The following HEATR9 variants were observed in gnomAD, a reference collection of about 807,000 sequenced individuals.
The protein encoded by HEATR9 is HEAT repeat containing 9, also known as protein HEATR9.
A neutral mutation model predicts 68.2 loss-of-function variants in HEATR9; 54 were observed. The observed-to-expected ratio is 0.79, with a 90% CI of 0.64 to 0.99. The LOEUF (loss-of-function observed/expected upper bound fraction) is 0.99. Ranked by LOEUF, HEATR9 falls within the 50% of genes least tolerant of loss-of-function variation. The pLI is 0.00. For missense variants in HEATR9, 662 were observed against 679.7 expected, an observed-to-expected ratio of 0.97 and a Z score of 0.29; for synonymous variants, 241 against 253.5, an observed-to-expected ratio of 0.95 and a Z score of 0.47.
At chr17:35,860,087 ACAT>A (rs2087924030) in intron 8 of HEATR9, among the ~76,000 whole-genome samples, 1 of 152,092 alleles carries the variant, frequency 6.6e-6, no homozygotes, top group African/African-American at 2.4e-5. Flanking sequence ...CTATTTAAGG[ACAT>A]CATTTAAGAA....
intron 1 of HEATR9, among the ~76,000 whole-genome samples, chr17:35,868,191 G>A (rs890851057): frequency 3.9e-5 from 6 of 152,220 alleles, no homozygotes; most frequent in African/African-American, 1.4e-4. Flanking sequence ...TTAACAGAGG[G>A]AAACAAATGT....
chr17:35,868,828 G>A lies in HEATR9; in HGVS notation c.-86C>T. ...GTGGGGGCACAGCTGGAGGAGACCT[G>A]TCCTCTGTGGTACGAGAGGTACAGG... is the stretch of plus-strand genomic sequence containing the variant. On this transcript the variant is annotated 5_prime_UTR_variant, in exon 1 of 15. Coordinates refer to ENST00000604834, the MANE Select transcript of HEATR9 (RefSeq NM_152781.4). 1 of 1,182,972 alleles carries A rather than the reference G, an allele frequency of 8.5e-7. No homozygotes were observed. Among genetic ancestry groups the A allele is most frequent in the South Asian group, 1.3e-5 (1 of 78,912 alleles). The allele number at this position is 1,182,972 out of a possible 1,614,324, so 73.3% of individuals were successfully genotyped here.
At chr17:35,856,334 T>C (rs2087770423) in intron 12 of HEATR9, 110 bp from the exon 13 acceptor site, 9 of 1,611,528 alleles carry the variant, frequency 5.6e-6, no homozygotes, top group Non-Finnish European at 7.6e-6. Context: ...TGATGCTAAT[T>C]TCATTCATTT....
At position 35,860,334 on chromosome 17, in the gene HEATR9, G is replaced by A. The variant is rs1268492912; in HGVS notation, c.757-1264C>T. On this transcript the variant is annotated intron_variant, in intron 8 of 14. Transcript: ENST00000604834. Reference sequence around the variant, plus strand: ...ATGAACCTGGGAGGTGGAGCTTGCAGTGAGCCGAGACTGCACCACTGCACT... The same window carrying A: ...ATGAACCTGGGAGGTGGAGCTTGCAATGAGCCGAGACTGCACCACTGCACT... Among the ~76,000 whole-genome samples, 7 of 144,646 alleles carry A rather than the reference G, an allele frequency of 4.8e-5. No homozygotes were observed. The East Asian group carries it at 1.3e-3, about 26-fold the overall frequency. 94.9% of individuals were successfully genotyped at this position (144,646 alleles called of 152,430 possible).
rs573178143 is a variant in HEATR9 at position 35,861,315 on chromosome 17, C to T, written c.756+1680G>A. Reference sequence around the variant, plus strand: ...TTGCGTCAATAGTTTTATTCCATAGCTCTTGCTAGTATTTGATAGGTTCAT... The same window carrying T: ...TTGCGTCAATAGTTTTATTCCATAGTTCTTGCTAGTATTTGATAGGTTCAT... On this transcript the variant is annotated intron_variant, in intron 8 of 14. Transcript: ENST00000604834. 2.8e-5 allele frequency: 39 copies of T among 1,408,136 alleles called. No homozygotes were observed. The East Asian group carries it at 7.7e-4, about 28-fold the overall frequency. The allele number at this position is 1,408,136 out of a possible 1,614,324, so 87.2% of individuals were successfully genotyped here.
intron 5 of HEATR9, 24 bp downstream of exon 5, chr17:35,864,473 T>G (rs2088120797): frequency 4.3e-6 from 7 of 1,609,932 alleles, no homozygotes; most frequent in Non-Finnish European, 5.9e-6. Flanking sequence ...GTAACCACCC[T>G]CCTCTATCCT....
Position 35,855,229 on chromosome 17 carries a change from A to T in HEATR9, c.1547T>A (p.Leu516Gln). Reference protein sequence around the residue: ...LTIQDFRLAKLNPLFIAKSIT... With the variant: ...LTIQDFRLAKQNPLFIAKSIT... ...GGACTTTGCAATAAACAAGGGGTTC[A>T]GCTTTGCAAGTCGAAAGTCTTGAAT... The change falls in exon 15 of 15, where the codon CTG becomes CAG. Residue 516 changes from leucine to glutamine, a missense_variant. Transcript: ENST00000604834. 2 of 1,614,196 alleles carry T rather than the reference A, an allele frequency of 1.2e-6. No individual in the cohort carries two copies. The highest frequency in any genetic ancestry group is 1.7e-6 in the Non-Finnish European group (2 of 1,180,016).
rs1471087077 is a variant in HEATR9, at chr17:35,858,533, G to T, written c.940-8C>A. On this transcript the variant is annotated splice_region_variant and splice_polypyrimidine_tract_variant and intron_variant, in intron 9 of 14. Transcript: ENST00000604834. ...GACCAGCATCCTAAGTGCCTATGAG[G>T]GGGCAGGGTAGGGCAGGGTGTACAG... The T allele has an allele frequency of 6.5e-7, 1 of 1,545,044 alleles. No homozygotes were observed. The highest frequency in any genetic ancestry group is 1.9e-5 in the Admixed American group (1 of 53,652).
rs573200147 is a variant in HEATR9, at chr17:35,862,857, C to T, written c.756+138G>A. 302 of 1,265,700 alleles carry T rather than the reference C, an allele frequency of 2.4e-4. 1 individual carries two copies. The Middle Eastern group carries it at 7.0e-3, about 29-fold the overall frequency. 78.4% of individuals were successfully genotyped at this position (1,265,700 alleles called of 1,614,324 possible). A position where few individuals can be genotyped will look rare whatever the true frequency, so the allele number is the denominator to read the frequency against. On this transcript the variant is annotated intron_variant, in intron 8 of 14. Transcript: ENST00000604834. ...AAGCCATATGCTTCTATTCAACTCC[C>T]GAGGGAACTCCTCAAGGACAGTGTC... is the stretch of plus-strand genomic sequence containing the variant.
At position 35,855,255 on chromosome 17, in the gene HEATR9, A is replaced by G; in HGVS notation, c.1521T>C (p.Thr507=). Residue 507 remains threonine, a synonymous_variant, in exon 15 of 15, where the codon ACT becomes ACC. Transcript: ENST00000604834. The part of the protein sequence containing the change: ...QKEPENPEEL[T]IQDFRLAKLN... ...GCTTTGCAAGTCGAAAGTCTTGAAT[A>G]GTTAACTCTTCTGGGTTCTCAGGCT... The G allele has an allele frequency of 6.2e-7, 1 of 1,614,196 alleles. No individual in the cohort carries two copies.
At position 35,864,805 on chromosome 17, in the gene HEATR9, T is replaced by G. The variant is rs1321867615; in HGVS notation, c.406A>C (p.Arg136=). Residue 136 remains arginine, a synonymous_variant, in exon 4 of 15, where the codon AGG becomes CGG. Coordinates refer to ENST00000604834, the MANE Select transcript of HEATR9 (RefSeq NM_152781.4). ...GGGTCCTGGGTAGGCTCTAAGGGCC[T>G]GGATCGCATCTCAGATTTTATAGTC... ...KLTIKSEMRS[R]PLEPTQDPLK... 1.2e-6 allele frequency: 2 copies of G among 1,614,206 alleles called. No homozygotes were observed.
intron 14 of HEATR9, 93 bp from the exon 15 acceptor site, chr17:35,855,503 G>A (rs1267409991): frequency 3.0e-6 from 4 of 1,350,816 alleles, no homozygotes; most frequent in Non-Finnish European, 4.2e-6. Context: ...GGGAATTCTA[G>A]CCACAGGGCA....
intron 8 of HEATR9, chr17:35,861,107 G>A: frequency 4.6e-6 from 5 of 1,083,544 alleles, no homozygotes; most frequent in Non-Finnish European, 7.2e-6. Flanking sequence ...ACATCCTCTT[G>A]TAACTGTTGT....
rs746737497 is a variant in HEATR9, at chr17:35,863,454, A to G, written c.625+48T>C. On this transcript the variant is annotated intron_variant, in intron 7 of 14. Transcript: ENST00000604834. ...CCATTTGTCCTTACCCAAAGGAGAAAGTGGTTGCACTTTCTCAACTCCCCA... is the reference window on the plus strand; with the variant it reads ...CCATTTGTCCTTACCCAAAGGAGAAGGTGGTTGCACTTTCTCAACTCCCCA... 28 of 1,582,620 alleles carry G rather than the reference A, an allele frequency of 1.8e-5. 1 individual carries two copies. The South Asian group carries it at 3.0e-4, about 17-fold the overall frequency.
At chr17:35,864,051 C>T in intron 6 of HEATR9, 195 bp downstream of exon 6, 1 of 588,544 alleles carries the variant, frequency 1.7e-6, no homozygotes, top group South Asian at 2.2e-5. Flanking sequence ...ATTCTTCCTT[C>T]CCTATCTTTT....
Position 35,863,530 on chromosome 17 carries a change from G to C in HEATR9, c.597C>G (p.Tyr199Ter), listed in dbSNP as rs377475394. The C allele has an allele frequency of 6.2e-7, 1 of 1,614,200 alleles. No individual in the cohort carries two copies. The highest frequency in any genetic ancestry group is 2.2e-5 in the East Asian group (1 of 44,884). ...GGATGGCCAGGGTTCGGTAGGCCTC[G>C]TACTTCACTTTCTCTGGACCAGTTT... ...VAQTGPEKVK[Y>*]EAYRTLAILG... Residue 199 changes from tyrosine (Y) to a stop codon, truncating the protein, a stop_gained, in exon 7 of 15, where the codon TAC becomes TAG. Coordinates refer to ENST00000604834, the MANE Select transcript of HEATR9 (RefSeq NM_152781.4). LOFTEE classifies it high-confidence loss of function.
chr17:35,861,483 C>T, intron 8 of HEATR9: 1 of 1,373,802 alleles, frequency 7.3e-7, no homozygotes, highest in South Asian at 1.2e-5. Context: ...AAAATCTGAA[C>T]ACCTTGCAGT....
At position 35,855,389 on chromosome 17, in the gene HEATR9, A is replaced by G. The variant is rs766583683; in HGVS notation, c.1387T>C (p.Cys463Arg). ...KKSLQETLIL[C>R]ASIDPWIQNK... The stretch of plus-strand genomic sequence containing the variant: ...TGGATCCAGGGATCAATTGAGGCAC[A>G]AAGGATTAATGTTTCTTGTAGCTGC... The change falls in exon 15 of 15, where the codon TGT (cysteine) becomes CGT (arginine). Residue 463 changes from cysteine to arginine, a missense_variant. Coordinates refer to ENST00000604834, the MANE Select transcript of HEATR9 (RefSeq NM_152781.4). 22 of 1,613,716 alleles carry G rather than the reference A, an allele frequency of 1.4e-5. No individual in the cohort carries two copies. The highest frequency in any genetic ancestry group is 1.6e-4 in the Middle Eastern group (1 of 6,082).
intron 6 of HEATR9, chr17:35,863,788 TG>T: frequency 1.7e-6 from 1 of 600,232 alleles, no homozygotes; most frequent in Non-Finnish European, 2.9e-6. Context: ...TGTAGCCACT[TG>T]GCCCTGGGCA....
Sources: gnomAD v4.1 joint callset for allele counts (sites outside exome capture counted in the v4.1 genomes callset) on GRCh38, gnomAD v4.1.1 for gene constraint, MANE v1.5 for transcripts, NCBI Gene and HGNC (gene_info 2026-07-23, HGNC 2026-07-21) for gene names.